The following DNM3 variants were observed in gnomAD, a reference collection of about 807,000 sequenced individuals.
The protein encoded by DNM3 is dynamin-3.
A neutral mutation model predicts 101.6 loss-of-function variants in DNM3; 47 were observed. The ratio of observed to expected loss-of-function variants is 0.46; its 90% confidence interval spans 0.37 to 0.59. The LOEUF is 0.59. DNM3 is among the 20% of genes least tolerant of loss of function. DNM3 has a pLI of 0.00. For synonymous variants in DNM3, 385 were observed against 387.9 expected (o/e 0.99, Z 0.09); for missense variants, 849 against 1,085.7 (o/e 0.78, Z 3.06).
intron 14 of DNM3, among the ~76,000 whole-genome samples, chr1:172,211,304 A>T (rs906087411): frequency 7.2e-5 from 11 of 152,100 alleles, no homozygotes. Context: ...TGTCTAAGAA[A>T]CAAAATCCAG....
chr1:171,956,345 C>T (rs1311637933), intron 2 of DNM3, among the ~76,000 whole-genome samples: 2 of 152,108 alleles, frequency 1.3e-5, no homozygotes, highest in African/African-American at 2.4e-5. Context: ...GAGAAATTGA[C>T]CAAAACAAGG....
At position 172,409,199 on chromosome 1, in the gene DNM3, C is replaced by A. The variant is rs748146409; in HGVS notation, c.*1358C>A. The A allele has an allele frequency of 1.0e-6, 1 of 985,220 alleles. No homozygotes were observed. Among genetic ancestry groups the A allele is most frequent in the African/African-American group, 1.7e-5 (1 of 57,214 alleles). The allele number at this position is 985,220 out of a possible 1,614,324, so 61.0% of individuals were successfully genotyped here. A position where few individuals can be genotyped will look rare whatever the true frequency, so the allele number is the denominator to read the frequency against. On this transcript the variant is annotated 3_prime_UTR_variant, in exon 21 of 21. Coordinates refer to ENST00000627582, the MANE Select transcript of DNM3 (RefSeq NM_015569.5). ...TGCTAACTGTTCCCAGACAGCAGAG[C>A]AAGTATTCACTGAGTAGGGGTGTCC...
intron 16 of DNM3, among the ~76,000 whole-genome samples, chr1:172,317,623 A>G (rs2065452909): frequency 2.0e-5 from 3 of 152,248 alleles, no homozygotes; most frequent in Admixed American, 2.0e-4. Context: ...CTATGCAAAT[A>G]AACTAGAAAA....
intron 10 of DNM3, among the ~76,000 whole-genome samples, chr1:172,060,044 T>A (rs115842442): frequency 6.6e-6 from 1 of 152,068 alleles, no homozygotes; most frequent in Non-Finnish European, 1.5e-5. Context: ...CATTCTTATA[T>A]ACCAACAATC....
At chr1:171,947,426 G>A (rs2042239103) in intron 2 of DNM3, among the ~76,000 whole-genome samples, 1 of 152,134 alleles carries the variant, frequency 6.6e-6, no homozygotes, top group African/African-American at 2.4e-5. Context: ...CTTCTAATTT[G>A]ACTAGGCTTA....
At chr1:172,071,086 C>CATGTATATATATATAT (rs1553362024) in intron 11 of DNM3, among the ~76,000 whole-genome samples, 1 of 65,084 alleles carries the variant, frequency 1.5e-5, no homozygotes, top group Non-Finnish European at 2.7e-5. Context: ...CAAGACCCTG[C>CATGTATATATATATAT]ATATATATAT....
chr1:172,164,814 T>C (rs2058689715), intron 14 of DNM3, among the ~76,000 whole-genome samples: 2 of 151,840 alleles, frequency 1.3e-5, no homozygotes, highest in Non-Finnish European at 1.5e-5. Context: ...ATGAGGAAGG[T>C]AGTGGGAGTG....
intron 14 of DNM3, among the ~76,000 whole-genome samples, chr1:172,230,446 G>A (rs577957505): frequency 2.8e-4 from 43 of 152,264 alleles, no homozygotes; most frequent in African/African-American, 1.0e-3. Context: ...GTAGGGGATT[G>A]ATTGTTTTGC....
At chr1:172,311,835 G>A (rs555792421) in intron 16 of DNM3, among the ~76,000 whole-genome samples, 8 of 152,112 alleles carry the variant, frequency 5.3e-5, no homozygotes, top group Non-Finnish European at 1.0e-4. Flanking sequence ...TGCATATTTG[G>A]TACAATTGCT....
At chr1:172,356,794 A>G (rs1003136301) in intron 17 of DNM3, among the ~76,000 whole-genome samples, 1 of 152,026 alleles carries the variant, frequency 6.6e-6, no homozygotes, top group Non-Finnish European at 1.5e-5. Flanking sequence ...AGATAAGGTT[A>G]CTTTATACTA....
intron 14 of DNM3, among the ~76,000 whole-genome samples, chr1:172,212,657 A>G (rs936157257): frequency 6.6e-6 from 1 of 152,214 alleles, no homozygotes; most frequent in Non-Finnish European, 1.5e-5. Flanking sequence ...CAAGGAACTA[A>G]AAACAAGGCA....
At chr1:172,234,149 C>G (rs1490828807) in intron 14 of DNM3, among the ~76,000 whole-genome samples, 1 of 152,156 alleles carries the variant, frequency 6.6e-6, no homozygotes, top group Non-Finnish European at 1.5e-5. Context: ...ACCTCATTGT[C>G]TCAGCCCAAA....
chr1:172,354,112 T>TGTGAGAGAGAGAGAGAGAGAGAGAGAGA (rs138540712), intron 17 of DNM3, among the ~76,000 whole-genome samples: 25 of 94,952 alleles, frequency 2.6e-4, no homozygotes, highest in African/African-American at 8.0e-4. Flanking sequence ...TGTGTGTGTG[T>TGTGAGAGAGAGAGAGAGAGAGAGAGAGA]GAGAGAGAGA....
chr1:172,274,268 A>T (rs1470337261), intron 15 of DNM3, among the ~76,000 whole-genome samples: 1 of 152,040 alleles, frequency 6.6e-6, no homozygotes, highest in Non-Finnish European at 1.5e-5. Flanking sequence ...CTGAGTGATG[A>T]TGCAGGGCAG....
chr1:172,206,671 G>A (rs681398), intron 14 of DNM3, among the ~76,000 whole-genome samples: 86,489 of 151,818 alleles, frequency 0.57, 26,646 homozygotes, highest in African/African-American at 0.81. Context: ...CAACATAGTG[G>A]AAAAGGCAAA....
At chr1:172,100,380 C>A (rs1376021875) in intron 13 of DNM3, among the ~76,000 whole-genome samples, 1 of 152,192 alleles carries the variant, frequency 6.6e-6, no homozygotes, top group Non-Finnish European at 1.5e-5. Flanking sequence ...TATAAATGGA[C>A]CTCACTATCC....
At chr1:171,898,243 T>G (rs1292873033) in intron 1 of DNM3, among the ~76,000 whole-genome samples, 10 of 152,144 alleles carry the variant, frequency 6.6e-5, no homozygotes, top group Admixed American at 6.5e-4. Flanking sequence ...TAATAAGAAA[T>G]TTGTTTAAAA....
At chr1:171,887,219 A>T (rs577420011) in intron 1 of DNM3, among the ~76,000 whole-genome samples, 1 of 152,314 alleles carries the variant, frequency 6.6e-6, no homozygotes, top group African/African-American at 2.4e-5. Flanking sequence ...GAATTTTAGA[A>T]ATCATCTAAT....
At position 172,004,115 on chromosome 1, in the gene DNM3, G is replaced by T. The variant is rs188597690; in HGVS notation, c.589+14967G>T. Among the ~76,000 whole-genome samples the T allele has an allele frequency of 2.6e-5, 4 of 152,176 alleles. No individual in the cohort carries two copies. The East Asian group carries it at 7.7e-4, about 29-fold the overall frequency. On this transcript the variant is annotated intron_variant, in intron 4 of 20. Transcript: ENST00000627582. ...AAAATAATAATTGGAAAGACAGACT[G>T]TGAAATACTTGGAAGAAAGTGAAAT...
Sources: gnomAD v4.1 joint callset for allele counts (sites outside exome capture counted in the v4.1 genomes callset) on GRCh38, gnomAD v4.1.1 for gene constraint, MANE v1.5 for transcripts, NCBI Gene and HGNC (gene_info 2026-07-23, HGNC 2026-07-21) for gene names.